Variants in CNTN1 observed in about 807,000 individuals in gnomAD.
CNTN1 encodes contactin 1, also known as contactin-1.
Under a neutral mutation model 126.4 loss-of-function variants are expected in CNTN1, and 38 were observed. The ratio of observed to expected loss-of-function variants is 0.30; its 90% CI spans 0.23 to 0.39. CNTN1 has a LOEUF of 0.39. Among genes scored for constraint, CNTN1 ranks in the 10% least tolerant of loss-of-function variants. CNTN1 has a pLI of 1.00. For missense variants in CNTN1, 1,009 were observed against 1,248.4 expected (o/e 0.81, Z 2.89); for synonymous variants, 413 against 422.6 (o/e 0.98, Z 0.28).
intron 17 of CNTN1, among the ~76,000 whole-genome samples, chr12:41,012,229 C>G (rs1346804116): frequency 6.6e-6 from 1 of 152,146 alleles, no homozygotes; most frequent in East Asian, 1.9e-4. Flanking sequence ...ATGCCATGTG[C>G]TCTCTAGAAC....
At chr12:40,735,541 T>C (rs1050512753) in intron 1 of CNTN1, among the ~76,000 whole-genome samples, 3 of 152,118 alleles carry the variant, frequency 2.0e-5, no homozygotes, top group African/African-American at 7.2e-5. Context: ...TTCAAAGATA[T>C]AAGGGAATCC....
At chr12:40,933,388 G>A (rs1274117756) in intron 7 of CNTN1, 73 bp from the exon 8 acceptor site, 4 of 1,057,392 alleles carry the variant, frequency 3.8e-6, no homozygotes, top group Non-Finnish European at 5.9e-6. Context: ...TAATCCTGTA[G>A]AATTACCATG....
At chr12:40,897,703 G>C (rs1411459031) in intron 1 of CNTN1, among the ~76,000 whole-genome samples, 1 of 152,148 alleles carries the variant, frequency 6.6e-6, no homozygotes, top group East Asian at 1.9e-4. Flanking sequence ...AGACCGTGTT[G>C]TGGATATAAG....
In CNTN1 at chr12:40,943,672, T is replaced by C; in HGVS notation, c.1455T>C (p.Phe485=). Residue 485 remains phenylalanine (F), a synonymous_variant, in exon 13 of 24, where the codon TTT becomes TTC. Transcript: ENST00000551295. ...ATGATGGAGGTATCTATACATGCTTTGCAGAAAATAACAGAGGGAAAGCTA... is the reference window on the plus strand; with the variant it reads ...ATGATGGAGGTATCTATACATGCTTCGCAGAAAATAACAGAGGGAAAGCTA... ...TRNDGGIYTC[F]AENNRGKANS... is the part of the protein sequence containing the mutation. 1 of 1,612,390 alleles carries C rather than the reference T, an allele frequency of 6.2e-7. No homozygotes were observed. Among genetic ancestry groups the C allele is most frequent in the Non-Finnish European group, 8.5e-7 (1 of 1,178,780 alleles).
chr12:40,844,069 A>ATTTTTTTTTTTGTTTTTTTTTTTTTTTTT (rs1942398787), intron 1 of CNTN1, among the ~76,000 whole-genome samples: 1 of 84,684 alleles, frequency 1.2e-5, no homozygotes, highest in African/African-American at 4.0e-5. Flanking sequence ...TGGCACAATG[A>ATTTTTTTTTTTGTTTTTTTTTTTTTTTTT]TTTTTTTTTT....
intron 23 of CNTN1, among the ~76,000 whole-genome samples, chr12:41,030,976 A>C (rs1276630378): frequency 6.6e-6 from 1 of 152,210 alleles, no homozygotes; most frequent in Non-Finnish European, 1.5e-5. Context: ...ATTTCAAGGA[A>C]GGTAAAGCAC....
chr12:40,942,587 G>A (rs1011956515), intron 12 of CNTN1, among the ~76,000 whole-genome samples: 23 of 152,098 alleles, frequency 1.5e-4, no homozygotes, highest in African/African-American at 5.6e-4. Flanking sequence ...TAAACACAGT[G>A]ATGGATTTCT....
In CNTN1 at chr12:40,822,148, C is replaced by CTTTTTT. The variant is rs777953120; in HGVS notation, c.-76-86190_-76-86185dup. On this transcript the variant is annotated intron_variant, in intron 1 of 23. Coordinates refer to ENST00000551295, the MANE Select transcript of CNTN1 (RefSeq NM_001843.4). ...TTTCCAGTCTAGACAAAATATAAAT[C>CTTTTTT]TTTTTTTTTTTTTTTTTTTTTTTTG... 2.6e-3 allele frequency among the ~76,000 whole-genome samples: 121 copies of CTTTTTT among 47,258 alleles called. 12 individuals carry two copies. Among genetic ancestry groups the CTTTTTT allele is most frequent in the African/African-American group, 6.9e-3 (106 of 15,274 alleles). 31.0% of individuals were successfully genotyped at this position (47,258 alleles called of 152,430 possible).
intron 1 of CNTN1, among the ~76,000 whole-genome samples, chr12:40,826,283 T>C (rs1941612187): frequency 6.6e-6 from 1 of 152,122 alleles, no homozygotes; most frequent in Non-Finnish European, 1.5e-5. Context: ...TGATAAAACT[T>C]CTGTGATTTT....
At chr12:40,865,099 A>G (rs1681404696) in intron 1 of CNTN1, among the ~76,000 whole-genome samples, 1 of 152,074 alleles carries the variant, frequency 6.6e-6, no homozygotes, top group Admixed American at 6.6e-5. Context: ...GATAGCAATG[A>G]TTTGGATGTC....
At chr12:40,923,119 A>G (rs2136876679) in intron 5 of CNTN1, among the ~76,000 whole-genome samples, 1 of 152,204 alleles carries the variant, frequency 6.6e-6, no homozygotes. Context: ...TTCAAAGATC[A>G]ACCCAATATG....
intron 20 of CNTN1, among the ~76,000 whole-genome samples, chr12:41,023,181 G>A (rs1453303896): frequency 1.3e-5 from 2 of 152,074 alleles, no homozygotes; most frequent in African/African-American, 4.8e-5. Flanking sequence ...ATTTTTCTGT[G>A]TATAAAGATA....
At chr12:40,843,867 G>A (rs1942384067) in intron 1 of CNTN1, among the ~76,000 whole-genome samples, 1 of 152,094 alleles carries the variant, frequency 6.6e-6, no homozygotes, top group African/African-American at 2.4e-5. Context: ...ATCCTTGAGA[G>A]GAGTAGAACT....
At chr12:41,064,401 A>G (rs1380295636) in intron 23 of CNTN1, among the ~76,000 whole-genome samples, 1 of 152,206 alleles carries the variant, frequency 6.6e-6, no homozygotes, top group Non-Finnish European at 1.5e-5. Flanking sequence ...TGCCCAGCTT[A>G]TGCCATTGTT....
At chr12:40,787,617 C>A (rs1266732291) in intron 1 of CNTN1, among the ~76,000 whole-genome samples, 1 of 152,016 alleles carries the variant, frequency 6.6e-6, no homozygotes, top group South Asian at 2.1e-4. Context: ...AACAAGAATT[C>A]CTTATTAAGT....
intron 23 of CNTN1, among the ~76,000 whole-genome samples, chr12:41,043,281 A>C (rs1267620700): frequency 1.3e-5 from 2 of 152,162 alleles, no homozygotes; most frequent in Non-Finnish European, 2.9e-5. Context: ...CAGAATCTAC[A>C]ATGAACTCAA....
At chr12:41,041,976 C>T (rs530497055) in intron 23 of CNTN1, among the ~76,000 whole-genome samples, 3 of 152,006 alleles carry the variant, frequency 2.0e-5, no homozygotes, top group Non-Finnish European at 4.4e-5. Context: ...TATGTTTGCT[C>T]TTGCTTTTCT....
intron 23 of CNTN1, among the ~76,000 whole-genome samples, chr12:41,052,068 G>A (rs1949701261): frequency 6.6e-6 from 1 of 152,090 alleles, no homozygotes; most frequent in Non-Finnish European, 1.5e-5. Flanking sequence ...TCTTCCTTCA[G>A]TAGAGAACTG....
intron 23 of CNTN1, chr12:41,061,745 AC>A (rs1252161989): frequency 6.6e-6 from 3 of 455,352 alleles, no homozygotes; most frequent in South Asian, 4.7e-5. Context: ...ATAACATTAA[AC>A]CCTATCATTT....
Sources: gnomAD v4.1 joint callset for allele counts (sites outside exome capture counted in the v4.1 genomes callset) on GRCh38, gnomAD v4.1.1 for gene constraint, MANE v1.5 for transcripts, NCBI Gene and HGNC (gene_info 2026-07-23, HGNC 2026-07-21) for gene names.